The following SYNE1 variants were observed in gnomAD, a reference collection of about 807,000 sequenced individuals.
SYNE1 encodes spectrin repeat containing nuclear envelope protein 1.
In SYNE1, 616 loss-of-function variants were observed where a neutral mutation model predicts 1,111.0. The observed-to-expected ratio is 0.55, with a 90% confidence interval of 0.52 to 0.59. The LOEUF (loss-of-function observed/expected upper bound fraction) is 0.59, where lower values mean the gene tolerates loss of function less well. SYNE1 is among the 20% of genes least tolerant of loss of function. The pLI is 0.00. For synonymous variants in SYNE1, 3,855 were observed against 3,825.8 expected, an observed-to-expected ratio of 1.01 and a Z score of -0.28; for missense variants, 10,006 against 10,417.0, an observed-to-expected ratio of 0.96 and a Z score of 1.72.
chr6:152,166,021 T>C (rs972285653), intron 130 of SYNE1, among the ~76,000 whole-genome samples: 1 of 152,222 alleles, frequency 6.6e-6, no homozygotes, highest in Non-Finnish European at 1.5e-5. Context: ...TTTACATCTG[T>C]AGGAATGTCT....
At position 152,359,466 on chromosome 6, in the gene SYNE1, G is replaced by A; in HGVS notation, c.10300-8C>T. The A allele has an allele frequency of 1.2e-6, 2 of 1,614,076 alleles. No homozygotes were observed. The highest frequency in any genetic ancestry group is 1.3e-5 in the African/African-American group (1 of 75,018). ...CACTTCTTCATTTAATAACTAGAGA[G>A]CATTTAAGAAAAATAAAGTGGCCAT... On this transcript the variant is annotated splice_polypyrimidine_tract_variant and splice_region_variant and intron_variant, in intron 64 of 145. Transcript: ENST00000367255.
chr6:152,293,883 C>T, intron 94 of SYNE1, 77 bp downstream of exon 94: 1 of 1,610,228 alleles, frequency 6.2e-7, no homozygotes, highest in Non-Finnish European at 8.5e-7. Flanking sequence ...TGTAAACTCT[C>T]TGCATGTATT....
chr6:152,351,882 A>T (rs2096747210), intron 70 of SYNE1, 145 bp downstream of exon 70: 1 of 731,076 alleles, frequency 1.4e-6, no homozygotes, highest in East Asian at 2.7e-5. Flanking sequence ...TCCATAGGTC[A>T]TGGCATCACT....
chr6:152,239,321 C>T (rs749987936), intron 108 of SYNE1, among the ~76,000 whole-genome samples: 3 of 152,034 alleles, frequency 2.0e-5, no homozygotes, highest in African/African-American at 7.3e-5. Context: ...ATCTTACTTT[C>T]GACATGGCAC....
At chr6:152,540,540 C>T (rs1055723757) in intron 3 of SYNE1, among the ~76,000 whole-genome samples, 6 of 152,242 alleles carry the variant, frequency 3.9e-5, no homozygotes, top group Non-Finnish European at 8.8e-5. Context: ...TGACTACACA[C>T]TGGAGTGACC....
At chr6:152,562,698 T>C (rs755284997) in intron 3 of SYNE1, among the ~76,000 whole-genome samples, 6 of 152,188 alleles carry the variant, frequency 3.9e-5, no homozygotes, top group Non-Finnish European at 8.8e-5. Flanking sequence ...AAATACCTAA[T>C]GTAGATGATG....
chr6:152,488,860 A>G (rs2098955417), intron 11 of SYNE1, among the ~76,000 whole-genome samples: 1 of 152,166 alleles, frequency 6.6e-6, no homozygotes, highest in Admixed American at 6.5e-5. Flanking sequence ...ACCCAAAGCC[A>G]TTGGTAACCC....
At chr6:152,321,936 CT>C (rs756477724) in intron 82 of SYNE1, 50 bp from the exon 83 acceptor site, 1 of 1,607,820 alleles carries the variant, frequency 6.2e-7, no homozygotes, top group African/African-American at 1.3e-5. Context: ...AAGGAACCCC[CT>C]AATACTTGGC....
chr6:152,243,873 T>C (rs1451128446), intron 106 of SYNE1, among the ~76,000 whole-genome samples: 1 of 152,210 alleles, frequency 6.6e-6, no homozygotes, highest in East Asian at 1.9e-4. Context: ...CTAAATTTTG[T>C]TGGTCTAATA....
At chr6:152,471,043 T>A (rs569613370) in intron 16 of SYNE1, among the ~76,000 whole-genome samples, 30 of 152,230 alleles carry the variant, frequency 2.0e-4, no homozygotes, top group African/African-American at 7.0e-4. Flanking sequence ...TGTGAGATAA[T>A]CCTTAAAAAT....
chr6:152,430,443 G>A (rs1017853930), intron 35 of SYNE1, 39 bp downstream of exon 35: 1 of 1,551,290 alleles, frequency 6.4e-7, no homozygotes, highest in African/African-American at 1.4e-5. Context: ...AATACAATGT[G>A]AAATATGTAA....
At chr6:152,185,849 A>G (rs2069698768) in intron 128 of SYNE1, among the ~76,000 whole-genome samples, 1 of 152,220 alleles carries the variant, frequency 6.6e-6, no homozygotes, top group African/African-American at 2.4e-5. Flanking sequence ...AATTAATAAT[A>G]GCAATAATTC....
chr6:152,272,531 A>G (rs2093289652), intron 98 of SYNE1, among the ~76,000 whole-genome samples: 1 of 152,182 alleles, frequency 6.6e-6, no homozygotes. Flanking sequence ...TCTTTTAATG[A>G]ATGATAATGT....
intron 8 of SYNE1, 83 bp from the exon 9 acceptor site, chr6:152,505,480 G>A: frequency 6.9e-7 from 1 of 1,450,836 alleles, no homozygotes; most frequent in Non-Finnish European, 9.6e-7. Flanking sequence ...AAAATCCAGT[G>A]CTTTTCACCA....
intron 11 of SYNE1, among the ~76,000 whole-genome samples, chr6:152,498,083 C>T (rs1033034917): frequency 7.2e-5 from 11 of 152,216 alleles, no homozygotes; most frequent in Admixed American, 2.0e-4. Context: ...AAATTAGTTG[C>T]TTCTGATTTT....
rs145840895 is a variant in SYNE1, at chr6:152,512,404, G to A, written c.310-1301C>T. On this transcript the variant is annotated intron_variant, in intron 6 of 145. Transcript: ENST00000367255. ...AACATCAATTTTTTTAACTTTTTATGAAAGAATCTACTATGATCTCTAGGA... is the reference window on the plus strand; with the variant it reads ...AACATCAATTTTTTTAACTTTTTATAAAAGAATCTACTATGATCTCTAGGA... 9.6e-3 allele frequency among the ~76,000 whole-genome samples: 1,458 copies of A among 152,124 alleles called. 13 individuals are homozygous for A. Among genetic ancestry groups the A allele is most frequent in the Admixed American group, 0.016 (246 of 15,274 alleles).
At chr6:152,411,814 T>C (rs1174810868) in intron 42 of SYNE1, among the ~76,000 whole-genome samples, 1 of 151,278 alleles carries the variant, frequency 6.6e-6, no homozygotes, top group Non-Finnish European at 1.5e-5. Flanking sequence ...CAATACCAAG[T>C]GTTAGAAATT....
At chr6:152,366,949 T>C (rs184129071) in intron 62 of SYNE1, 27 of 630,400 alleles carry the variant, frequency 4.3e-5, no homozygotes, top group African/African-American at 3.4e-4. Context: ...ATGTCTGTGA[T>C]CTCATTTAAA....
intron 3 of SYNE1, among the ~76,000 whole-genome samples, chr6:152,561,805 T>C (rs148263485): frequency 6.3e-4 from 96 of 152,162 alleles, no homozygotes; most frequent in African/African-American, 2.2e-3. Flanking sequence ...GAATACACAA[T>C]GGAGAAAGAC....
Sources: allele counts gnomAD v4.1 joint callset (sites outside exome capture counted in the v4.1 genomes callset), GRCh38; gene constraint gnomAD v4.1.1; transcripts MANE v1.5; gene names NCBI Gene and HGNC (gene_info 2026-07-23, HGNC 2026-07-21).